Variants in ADARB1 observed in about 807,000 individuals in gnomAD.
ADARB1 encodes the protein double-stranded RNA-specific editase 1.
ADARB1 carries 10 observed loss-of-function variants against 52.4 expected under a neutral mutation model. The ratio of observed to expected loss-of-function variants is 0.19; its 90% CI spans 0.12 to 0.32. ADARB1 has a LOEUF of 0.32. Ranked by LOEUF, ADARB1 falls within the 10% of genes least tolerant of loss-of-function variation. ADARB1 has a pLI of 1.00. For synonymous variants in ADARB1, 349 were observed against 371.1 expected, an observed-to-expected ratio of 0.94 and a Z score of 0.68; for missense variants, 643 against 922.3, an observed-to-expected ratio of 0.70 and a Z score of 3.92.
intron 1 of ADARB1, among the ~76,000 whole-genome samples, chr21:45,096,633 G>A (rs111849702): frequency 1.1e-3 from 160 of 152,288 alleles, no homozygotes; most frequent in African/African-American, 3.6e-3. Context: ...CTCCCTGGTC[G>A]TTCCTAGGGG....
At chr21:45,087,282 G>A (rs1320175041) in intron 1 of ADARB1, among the ~76,000 whole-genome samples, 1 of 152,178 alleles carries the variant, frequency 6.6e-6, no homozygotes, top group Non-Finnish European at 1.5e-5. Flanking sequence ...CCATATGCAG[G>A]AGAGGGTTGA....
chr21:45,140,633 G>A (rs977710450), intron 2 of ADARB1, among the ~76,000 whole-genome samples: 7 of 152,140 alleles, frequency 4.6e-5, no homozygotes, highest in Admixed American at 6.5e-5. Context: ...GTGTGTGTGC[G>A]TGAGTGTATG....
intron 8 of ADARB1, among the ~76,000 whole-genome samples, chr21:45,190,601 A>G (rs1179437814): frequency 1.3e-5 from 2 of 150,798 alleles, no homozygotes; most frequent in Non-Finnish European, 3.0e-5. Flanking sequence ...CTGTGTACAG[A>G]GAAAGTTCTT....
Position 45,176,792 on chromosome 21 carries a change from GT to G in ADARB1, c.963+130del. 1 of 1,078,358 alleles carries G rather than the reference GT, an allele frequency of 9.3e-7. No individual in the cohort carries two copies. Among genetic ancestry groups the G allele is most frequent in the Non-Finnish European group, 1.3e-6 (1 of 772,906 alleles). 66.8% of individuals were successfully genotyped at this position (1,078,358 alleles called of 1,614,324 possible). On this transcript the variant is annotated intron_variant, in intron 4 of 10. Transcript: ENST00000348831. The surrounding 1 kb of genome is among the most constrained non-coding windows in gnomAD (Gnocchi z 5.8). ...CATCACTCTGTCCCCACCAGGAGGA[GT>G]TACTGGTAAGTCTGGCTGCTTGATT...
chr21:45,195,962 T>C (rs2092415686), intron 8 of ADARB1, among the ~76,000 whole-genome samples: 1 of 152,230 alleles, frequency 6.6e-6, no homozygotes, highest in East Asian at 1.9e-4. Flanking sequence ...AAATATTGAT[T>C]GGGATTGTGT....
At chr21:45,202,384 G>A (rs1050744009) in intron 8 of ADARB1, among the ~76,000 whole-genome samples, 1 of 152,164 alleles carries the variant, frequency 6.6e-6, no homozygotes, top group Non-Finnish European at 1.5e-5. Flanking sequence ...AGAATGAGGC[G>A]TAAACAGGTG....
intron 4 of ADARB1, among the ~76,000 whole-genome samples, chr21:45,179,337 T>C (rs1334735806): frequency 6.6e-6 from 1 of 152,236 alleles, no homozygotes; most frequent in Non-Finnish European, 1.5e-5. Context: ...GACAACTATC[T>C]TTTCTACTCA....
At chr21:45,205,844 G>A (rs866594130) in intron 9 of ADARB1, among the ~76,000 whole-genome samples, 3 of 152,018 alleles carry the variant, frequency 2.0e-5, no homozygotes, top group African/African-American at 7.2e-5. Context: ...GTTTATTTTG[G>A]GGTGTGTGTG....
rs2086424963 is a variant in ADARB1 at position 45,088,285 on chromosome 21, A to G, written c.-220+13492A>G. Among the ~76,000 whole-genome samples, 5 of 152,378 alleles carry G rather than the reference A, an allele frequency of 3.3e-5. No individual in the cohort carries two copies. In the South Asian group the frequency reaches 1.0e-3, roughly 32 times the overall value. ...GATAAAAATAAGCAGGGCTCCTTGC[A>G]GAAGATGAGTCTGGAACCTCTGATG... is the stretch of plus-strand genomic sequence containing the variant. On this transcript the variant is annotated intron_variant, in intron 1 of 10. Transcript: ENST00000348831.
chr21:45,102,799 C>CATCTGCTGT lies in ADARB1; in HGVS notation c.-219-25593_-219-25585dup, dbSNP rs199926534. Among the ~76,000 whole-genome samples the CATCTGCTGT allele has an allele frequency of 4.2e-3, 633 of 152,358 alleles. 4 individuals carry two copies. Among genetic ancestry groups the CATCTGCTGT allele is most frequent in the African/African-American group, 0.014 (599 of 41,572 alleles). ...CCAGCACAATTCCAGATCATCTCTG[C>CATCTGCTGT]ATCTGCTGTATCTGCTGTGTCTTCC... On this transcript the variant is annotated intron_variant, in intron 1 of 10. Coordinates refer to ENST00000348831, the MANE Select transcript of ADARB1 (RefSeq NM_001112.4).
In ADARB1 at chr21:45,157,353, C is replaced by CT. The variant is rs141533867; in HGVS notation, c.-47-14249dup. On this transcript the variant is annotated intron_variant, in intron 2 of 10. Transcript: ENST00000348831. The surrounding 1 kb of genome is among the most constrained non-coding windows in gnomAD (Gnocchi z 4.1). ...TTGAAAATAAAGTTTACATCGTTGT[C>CT]TTTTTTTTCCCTTTGATTCCAGAAA... is the stretch of plus-strand genomic sequence containing the variant. Among the ~76,000 whole-genome samples the CT allele has an allele frequency of 1.3e-5, 2 of 152,078 alleles. No homozygotes were observed. The highest frequency in any genetic ancestry group is 2.4e-5 in the African/African-American group (1 of 41,392).
intron 8 of ADARB1, among the ~76,000 whole-genome samples, chr21:45,189,116 A>G (rs2092206654): frequency 6.6e-6 from 1 of 152,100 alleles, no homozygotes; most frequent in South Asian, 2.1e-4. Flanking sequence ...CCGACAATAC[A>G]TGGGAATTGT....
intron 1 of ADARB1, among the ~76,000 whole-genome samples, chr21:45,089,723 T>C (rs1211588477): frequency 6.6e-6 from 1 of 152,256 alleles, no homozygotes; most frequent in South Asian, 2.1e-4. Flanking sequence ...TGCCCAGTTA[T>C]CAGAAATATC....
At chr21:45,183,049 T>C (rs1249086339) in intron 6 of ADARB1, among the ~76,000 whole-genome samples, 5 of 152,224 alleles carry the variant, frequency 3.3e-5, no homozygotes, top group Admixed American at 3.3e-4. Context: ...AAGATGGTAA[T>C]TTTTATTCTA....
intron 1 of ADARB1, among the ~76,000 whole-genome samples, chr21:45,076,954 G>A (rs1389119299): frequency 6.6e-6 from 1 of 152,182 alleles, no homozygotes; most frequent in East Asian, 1.9e-4. Flanking sequence ...AAAAAGATAA[G>A]CAAGCACACA....
chr21:45,099,709 T>C (rs939795386), intron 1 of ADARB1, among the ~76,000 whole-genome samples: 1 of 152,202 alleles, frequency 6.6e-6, no homozygotes, highest in African/African-American at 2.4e-5. Flanking sequence ...AATCCAAGCA[T>C]AATTACTGAA....
chr21:45,118,371 G>A (rs568281700), intron 1 of ADARB1, among the ~76,000 whole-genome samples: 1 of 152,208 alleles, frequency 6.6e-6, no homozygotes, highest in South Asian at 2.1e-4. Flanking sequence ...CTTATAGAAT[G>A]GATGGCTGAC....
In ADARB1 at chr21:45,133,693, G is replaced by A. The variant is rs538969115; in HGVS notation, c.-48+5120G>A. Reference sequence around the variant, plus strand: ...GTGTACCTGAAAGAGGTGTGTGCCCGACGGTGTGTGCGACCGATGGGTGTA... The same window carrying A: ...GTGTACCTGAAAGAGGTGTGTGCCCAACGGTGTGTGCGACCGATGGGTGTA... On this transcript the variant is annotated intron_variant, in intron 2 of 10. Transcript: ENST00000348831. The A allele has an allele frequency of 1.1e-4, 32 of 280,766 alleles. No individual in the cohort carries two copies. The East Asian group carries it at 3.3e-3, about 29-fold the overall frequency. 17.4% of individuals were successfully genotyped at this position (280,766 alleles called of 1,614,324 possible).
chr21:45,222,388 G>C lies in ADARB1; in HGVS notation c.*191G>C. 1.5e-6 allele frequency: 2 copies of C among 1,330,196 alleles called. No homozygotes were observed. The highest frequency in any genetic ancestry group is 3.6e-5 in the Admixed American group (1 of 27,888). The allele number at this position is 1,330,196 out of a possible 1,614,324, so 82.4% of individuals were successfully genotyped here. A position where few individuals can be genotyped will look rare whatever the true frequency, so the allele number is the denominator to read the frequency against. On this transcript the variant is annotated 3_prime_UTR_variant, in exon 11 of 11. Coordinates refer to ENST00000348831, the MANE Select transcript of ADARB1 (RefSeq NM_001112.4). ...GGGGCAGGTGCGCAGTGTGGGGAGG[G>C]GATGGGGTGCGTCAGGGCCCAGCAT...
Sources: gnomAD v4.1 joint callset for allele counts (sites outside exome capture counted in the v4.1 genomes callset) on GRCh38, gnomAD v4.1.1 for gene constraint, Gnocchi (gnomAD v3.1) non-coding constraint, MANE v1.5 for transcripts, NCBI Gene and HGNC (gene_info 2026-07-23, HGNC 2026-07-21) for gene names.